Variants in TMEM135 observed in about 807,000 individuals in gnomAD.
TMEM135 encodes the protein transmembrane protein 135, also known as peroxisomal membrane protein 52.
Under a neutral mutation model 60.3 loss-of-function variants are expected in TMEM135, and 30 were observed. That is an observed-to-expected ratio of 0.50 (90% CI 0.37 to 0.68). The LOEUF is 0.68. Ranked by LOEUF, TMEM135 falls within the 30% of genes least tolerant of loss-of-function variation. TMEM135 has a pLI of 0.00. For missense variants in TMEM135, 468 were observed against 548.8 expected (o/e 0.85, Z 1.47); for synonymous variants, 190 against 186.7 (o/e 1.02, Z -0.14).
chr11:87,150,669 A>T (rs1397776469), intron 4 of TMEM135, among the ~76,000 whole-genome samples: 2 of 152,130 alleles, frequency 1.3e-5, no homozygotes, highest in Non-Finnish European at 2.9e-5. Flanking sequence ...TGTACCTATT[A>T]CTAACTCCCT....
At chr11:87,105,247 C>T (rs1857563226) in intron 4 of TMEM135, among the ~76,000 whole-genome samples, 1 of 152,190 alleles carries the variant, frequency 6.6e-6, no homozygotes, top group African/African-American at 2.4e-5. Context: ...AGGAATCAGC[C>T]TGCAAAACAG....
At chr11:87,246,967 C>A (rs1189373410) in intron 6 of TMEM135, among the ~76,000 whole-genome samples, 2 of 142,780 alleles carry the variant, frequency 1.4e-5, no homozygotes, top group Non-Finnish European at 3.1e-5. Context: ...TCTGTTTTTT[C>A]CCCATCTTTG....
intron 6 of TMEM135, among the ~76,000 whole-genome samples, chr11:87,271,508 C>T (rs752520007): frequency 2.0e-5 from 3 of 151,854 alleles, no homozygotes; most frequent in Non-Finnish European, 4.4e-5. Context: ...TGTAGATTGC[C>T]GTAAGTATAA....
chr11:87,274,828 GTTTA>G (rs1941937823), intron 6 of TMEM135, among the ~76,000 whole-genome samples: 1 of 132,456 alleles, frequency 7.5e-6, no homozygotes, highest in Non-Finnish European at 1.7e-5. Context: ...GTGTGTGTGT[GTTTA>G]TATATTTATA....
At chr11:87,069,051 C>G (rs1856722842) in intron 2 of TMEM135, among the ~76,000 whole-genome samples, 1 of 98,706 alleles carries the variant, frequency 1.0e-5, no homozygotes, top group Non-Finnish European at 2.0e-5. Flanking sequence ...CGCCTGTAAT[C>G]CTAGCACTTT....
chr11:87,038,034 C>T lies in TMEM135; in HGVS notation c.-12C>T, dbSNP rs1383400469. ...CTCTCCCCCTCCTGTCTTCTCCGCG[C>T]TGTTCCTCGTCATGGCGGCCCTCAG... On this transcript the variant is annotated 5_prime_UTR_variant, in exon 1 of 15. Coordinates refer to ENST00000305494, the MANE Select transcript of TMEM135 (RefSeq NM_022918.4). 11 of 1,613,948 alleles carry T rather than the reference C, an allele frequency of 6.8e-6. No individual in the cohort carries two copies. Among genetic ancestry groups the T allele is most frequent in the Non-Finnish European group, 9.3e-6 (11 of 1,180,016 alleles).
intron 3 of TMEM135, among the ~76,000 whole-genome samples, chr11:87,084,045 C>A (rs895001930): frequency 6.6e-6 from 1 of 151,908 alleles, no homozygotes; most frequent in African/African-American, 2.4e-5. Flanking sequence ...CCCCAGCGGC[C>A]TCTTGTGAAG....
At chr11:87,214,385 G>T (rs621758) in intron 5 of TMEM135, among the ~76,000 whole-genome samples, 19,770 of 152,088 alleles carry the variant, frequency 0.13, 1,333 homozygotes, top group Non-Finnish European at 0.15. Flanking sequence ...GTGCAGTACA[G>T]TTTTTCTGGT....
At chr11:87,302,181 A>G (rs1465566029) in intron 7 of TMEM135, 115 bp from the exon 8 acceptor site, 2 of 1,073,892 alleles carry the variant, frequency 1.9e-6, no homozygotes, top group African/African-American at 1.6e-5. Context: ...TGAAAATACT[A>G]TCTCAAATGA....
rs1590871606 is a variant in TMEM135, at chr11:87,322,059, C to T, written c.*726C>T. 4.4e-6 allele frequency: 2 copies of T among 454,426 alleles called. No homozygotes were observed. The highest frequency in any genetic ancestry group is 4.4e-6 in the Non-Finnish European group (1 of 226,746). The allele number at this position is 454,426 out of a possible 1,614,324, so 28.1% of individuals were successfully genotyped here. A position where few individuals can be genotyped will look rare whatever the true frequency, so the allele number is the denominator to read the frequency against. ...AGTTAGGGGCAAATGGAAATGGACA[C>T]ATCCGATAAAGTTGAAATGTATGTT... On this transcript the variant is annotated 3_prime_UTR_variant, in exon 15 of 15. Coordinates refer to ENST00000305494, the MANE Select transcript of TMEM135 (RefSeq NM_022918.4).
At chr11:87,123,904 CATT>C (rs1937647443) in intron 4 of TMEM135, among the ~76,000 whole-genome samples, 1 of 152,128 alleles carries the variant, frequency 6.6e-6, no homozygotes, top group Admixed American at 6.6e-5. Flanking sequence ...AAGCTGAAAA[CATT>C]ATTAAATTTA....
intron 6 of TMEM135, among the ~76,000 whole-genome samples, chr11:87,276,881 A>T (rs1941977910): frequency 1.3e-5 from 2 of 151,808 alleles, no homozygotes; most frequent in African/African-American, 2.4e-5. Flanking sequence ...CATGTTGGCC[A>T]GGCTGGTCTT....
chr11:87,064,756 C>T (rs750129552), intron 1 of TMEM135, among the ~76,000 whole-genome samples: 23 of 152,086 alleles, frequency 1.5e-4, no homozygotes, highest in Non-Finnish European at 2.4e-4. Context: ...TGGTGGCCGG[C>T]GCCTGTAATC....
intron 4 of TMEM135, among the ~76,000 whole-genome samples, chr11:87,110,621 A>G (rs557850454): frequency 6.6e-6 from 1 of 152,340 alleles, no homozygotes; most frequent in Non-Finnish European, 1.5e-5. Flanking sequence ...AAAAGAAGCT[A>G]TTAAACCTAG....
chr11:87,289,077 C>A lies in TMEM135; in HGVS notation c.510-6705C>A, dbSNP rs186898706. Reference sequence around the variant, plus strand: ...TAACTTTATTGTGAAAACGTGATTACAATCACAGACATGCAATGGAAAAAA... The same window carrying A: ...TAACTTTATTGTGAAAACGTGATTAAAATCACAGACATGCAATGGAAAAAA... On this transcript the variant is annotated intron_variant, in intron 6 of 14. Transcript: ENST00000305494. Among the ~76,000 whole-genome samples, 11 of 152,306 alleles carry A rather than the reference C, an allele frequency of 7.2e-5. No homozygotes were observed. The East Asian group carries it at 1.9e-3, about 27-fold the overall frequency.
At chr11:87,074,754 A>G (rs1856836991) in intron 3 of TMEM135, among the ~76,000 whole-genome samples, 1 of 152,198 alleles carries the variant, frequency 6.6e-6, no homozygotes, top group Non-Finnish European at 1.5e-5. Flanking sequence ...TTCAGCACGT[A>G]TCTCTTAAAA....
intron 5 of TMEM135, among the ~76,000 whole-genome samples, chr11:87,232,598 C>G (rs1940913328): frequency 6.6e-6 from 1 of 152,076 alleles, no homozygotes; most frequent in African/African-American, 2.4e-5. Flanking sequence ...AATGAAAAAA[C>G]TTTTTGCAGA....
intron 5 of TMEM135, among the ~76,000 whole-genome samples, chr11:87,159,237 A>G (rs890118206): frequency 1.3e-5 from 2 of 152,198 alleles, no homozygotes; most frequent in African/African-American, 4.8e-5. Context: ...TAATGAGGTT[A>G]AAAGTGTAAG....
In TMEM135 at chr11:87,051,609, C is replaced by T. The variant is rs113026121; in HGVS notation, c.141+13423C>T. On this transcript the variant is annotated intron_variant, in intron 1 of 14. Transcript: ENST00000305494. ...ACCTAGGAATCCAACTTACAAGGGA[C>T]GTGAAGGACCTCTTCAAGGAGAACT... Among the ~76,000 whole-genome samples, 8 of 52,130 alleles carry T rather than the reference C, an allele frequency of 1.5e-4. 1 individual carries two copies. The highest frequency in any genetic ancestry group is 1.3e-3 in the South Asian group (2 of 1,544). The allele number at this position is 52,130 out of a possible 152,430, so 34.2% of individuals were successfully genotyped here.
Sources: gnomAD v4.1 joint callset for allele counts (sites outside exome capture counted in the v4.1 genomes callset) on GRCh38, gnomAD v4.1.1 for gene constraint, MANE v1.5 for transcripts, NCBI Gene and HGNC (gene_info 2026-07-23, HGNC 2026-07-21) for gene names.